CDH18: variants seen among roughly 807,000 people sequenced by gnomAD.
CDH18 encodes cadherin 18, also known as cadherin-18.
Under a neutral mutation model 67.9 loss-of-function variants are expected in CDH18, and 31 were observed. The observed-to-expected ratio is 0.46, with a 90% CI of 0.34 to 0.62. The LOEUF is 0.62. CDH18 is among the 20% of genes least tolerant of loss of function. CDH18 has a pLI of 0.01. For missense variants in CDH18, 890 were observed against 975.5 expected (o/e 0.91, Z 1.17); for synonymous variants, 362 against 347.2 (o/e 1.04, Z -0.48).
intron 1 of CDH18, among the ~76,000 whole-genome samples, chr5:20,527,074 G>C (rs1303183357): frequency 1.3e-5 from 2 of 152,104 alleles, no homozygotes; most frequent in Non-Finnish European, 2.9e-5. Context: ...TAAATTACCT[G>C]ATAGAGCTGA....
At position 20,002,638 on chromosome 5, in the gene CDH18, A is replaced by G. The variant is rs188097175; in HGVS notation, c.-517-10624T>C. ...ACATATTTCCAAATGTGACTAAGTT[A>G]TAAGTGACCACAACAAGGATGAGAA... is the stretch of plus-strand genomic sequence containing the variant. On this transcript the variant is annotated intron_variant, in intron 2 of 14. Transcript: ENST00000507958. Among the ~76,000 whole-genome samples, 518 of 152,358 alleles carry G rather than the reference A, an allele frequency of 3.4e-3. 1 individual carries two copies. The highest frequency in any genetic ancestry group is 4.7e-3 in the Non-Finnish European group (317 of 68,028).
intron 2 of CDH18, among the ~76,000 whole-genome samples, chr5:20,241,877 A>AT (rs1272259793): frequency 2.6e-4 from 23 of 90,162 alleles, no homozygotes; most frequent in African/African-American, 1.1e-3. Flanking sequence ...AAAATAAAAT[A>AT]AAATATATAT....
At chr5:20,489,443 T>C (rs1753446622) in intron 1 of CDH18, among the ~76,000 whole-genome samples, 1 of 152,126 alleles carries the variant, frequency 6.6e-6, no homozygotes, top group African/African-American at 2.4e-5. Flanking sequence ...ATAATGATTA[T>C]TGTTTAAAAC....
At chr5:19,725,080 C>G (rs918899034) in intron 4 of CDH18, among the ~76,000 whole-genome samples, 1 of 152,048 alleles carries the variant, frequency 6.6e-6, no homozygotes, top group African/African-American at 2.4e-5. Context: ...GCGCCCGCCA[C>G]CACGCCTGGC....
At chr5:20,410,332 AC>A (rs760993502) in intron 1 of CDH18, among the ~76,000 whole-genome samples, 13 of 151,914 alleles carry the variant, frequency 8.6e-5, no homozygotes, top group Admixed American at 2.6e-4. Context: ...GATTTATAAA[AC>A]AAAAATTAAT....
chr5:19,486,875 G>C (rs533009350), intron 11 of CDH18, among the ~76,000 whole-genome samples: 1 of 152,198 alleles, frequency 6.6e-6, no homozygotes, highest in South Asian at 2.1e-4. Context: ...AATATAGGCT[G>C]AATAAAGAGA....
At chr5:19,593,707 C>CCTTCTTCTTCTTCTT (rs1554054958) in intron 6 of CDH18, among the ~76,000 whole-genome samples, 877 of 33,246 alleles carry the variant, frequency 0.026, 31 homozygotes, top group Non-Finnish European at 0.034. Context: ...TCCTCCTCCT[C>CCTTCTTCTTCTTCTT]CTTCTTCTTC....
rs369525268 is a variant in CDH18, at chr5:19,949,538, A to T, written c.-257+31522T>A. Among the ~76,000 whole-genome samples, 91 of 152,280 alleles carry T rather than the reference A, an allele frequency of 6.0e-4. No homozygotes were observed. The South Asian group carries it at 0.016, about 27-fold the overall frequency. ...TTTCTAAAAAGAATGTAAGCAAGAC[A>T]ACTTAGTATTATCAACTTTTGAGAA... On this transcript the variant is annotated intron_variant, in intron 2 of 12. Transcript: ENST00000382275.
intron 1 of CDH18, among the ~76,000 whole-genome samples, chr5:20,383,694 T>C (rs918470192): frequency 9.9e-5 from 15 of 152,144 alleles, no homozygotes; most frequent in Admixed American, 7.9e-4. Context: ...TTTGGATACA[T>C]ATTTTCTTAG....
At chr5:19,770,662 A>C (rs1258064678) in intron 3 of CDH18, among the ~76,000 whole-genome samples, 1 of 152,140 alleles carries the variant, frequency 6.6e-6, no homozygotes, top group Non-Finnish European at 1.5e-5. Flanking sequence ...TGCAGAAAAA[A>C]AAAGTCCACA....
chr5:19,776,967 C>T (rs952527651), intron 3 of CDH18, among the ~76,000 whole-genome samples: 2 of 152,082 alleles, frequency 1.3e-5, no homozygotes, highest in East Asian at 3.9e-4. Flanking sequence ...GCTTGAGTCT[C>T]GTATGTTTTT....
intron 2 of CDH18, among the ~76,000 whole-genome samples, chr5:19,923,866 A>G (rs1042338955): frequency 2.0e-5 from 3 of 152,198 alleles, no homozygotes; most frequent in Non-Finnish European, 2.9e-5. Flanking sequence ...AGAAATTCTG[A>G]CAACTGCCTA....
intron 2 of CDH18, among the ~76,000 whole-genome samples, chr5:19,973,660 A>G (rs1798234870): frequency 6.6e-6 from 1 of 152,170 alleles, no homozygotes. Flanking sequence ...TGAGAAGAGC[A>G]TGAAGGACAA....
intron 2 of CDH18, among the ~76,000 whole-genome samples, chr5:20,172,230 A>ATATATATACGTATATATATG (rs1554098792): frequency 1.0e-5 from 1 of 96,678 alleles, no homozygotes; most frequent in African/African-American, 3.9e-5. Flanking sequence ...ATATGTATAT[A>ATATATATACGTATATATATG]TATATATATG....
intron 1 of CDH18, among the ~76,000 whole-genome samples, chr5:20,389,628 G>A (rs948431671): frequency 2.1e-4 from 32 of 151,912 alleles, no homozygotes; most frequent in Non-Finnish European, 4.0e-4. Context: ...ACAGAATTGG[G>A]AAAAACTACT....
At chr5:20,083,723 T>C (rs1406517203) in intron 2 of CDH18, among the ~76,000 whole-genome samples, 1 of 152,204 alleles carries the variant, frequency 6.6e-6, no homozygotes, top group East Asian at 1.9e-4. Context: ...CTGACAATCA[T>C]GGTGGAAGGC....
chr5:19,788,890 T>A (rs914258115), intron 3 of CDH18, among the ~76,000 whole-genome samples: 1 of 152,212 alleles, frequency 6.6e-6, no homozygotes, highest in African/African-American at 2.4e-5. Context: ...TCTCTTCTAT[T>A]TTCCCTAACT....
At chr5:19,731,971 T>C (rs1398816006) in intron 4 of CDH18, among the ~76,000 whole-genome samples, 1 of 150,880 alleles carries the variant, frequency 6.6e-6, no homozygotes, top group African/African-American at 2.4e-5. Flanking sequence ...ACACCTGTAG[T>C]TCTAGCTACT....
intron 12 of CDH18, 78 bp downstream of exon 12, chr5:19,483,223 A>T (rs181430172): frequency 7.0e-7 from 1 of 1,429,240 alleles, no homozygotes; most frequent in East Asian, 2.3e-5. Context: ...ATGGATGCCT[A>T]ATCCTTAAGA....
Sources: allele counts gnomAD v4.1 joint callset (sites outside exome capture counted in the v4.1 genomes callset), GRCh38; gene constraint gnomAD v4.1.1; transcripts MANE v1.5; gene names NCBI Gene and HGNC (gene_info 2026-07-23, HGNC 2026-07-21).